STXBP5: variants seen among roughly 807,000 people sequenced by gnomAD.
STXBP5 encodes the protein syntaxin-binding protein 5.
Under a neutral mutation model 152.4 loss-of-function variants are expected in STXBP5, and 50 were observed. That is an observed-to-expected ratio of 0.33 (90% CI 0.26 to 0.42). The LOEUF (loss-of-function observed/expected upper bound fraction) is 0.42, where lower values mean the gene tolerates loss of function less well. Ranked by LOEUF, STXBP5 falls within the 10% of genes least tolerant of loss-of-function variation. The pLI is 1.00. For missense variants in STXBP5, 1,167 were observed against 1,388.6 expected, an observed-to-expected ratio of 0.84 and a Z score of 2.54; for synonymous variants, 492 against 494.7, an observed-to-expected ratio of 0.99 and a Z score of 0.07.
chr6:147,315,183 C>A (rs1323000020), intron 14 of STXBP5, among the ~76,000 whole-genome samples: 2 of 152,060 alleles, frequency 1.3e-5, no homozygotes, highest in Non-Finnish European at 2.9e-5. Context: ...CATAGAAAAT[C>A]ATTTTAGGAA....
intron 8 of STXBP5, among the ~76,000 whole-genome samples, chr6:147,289,917 CT>C (rs2128351024): frequency 6.6e-6 from 1 of 152,266 alleles, no homozygotes; most frequent in Admixed American, 6.5e-5. Context: ...GTTCGCTTTC[CT>C]GGCCGGGTGC....
intron 22 of STXBP5, among the ~76,000 whole-genome samples, chr6:147,357,032 A>G (rs539067153): frequency 1.2e-4 from 18 of 152,286 alleles, no homozygotes; most frequent in South Asian, 1.0e-3. Context: ...CAGTGTGCGA[A>G]ATTCCAAAGG....
At chr6:147,271,798 C>A (rs1780185224) in intron 7 of STXBP5, among the ~76,000 whole-genome samples, 1 of 151,776 alleles carries the variant, frequency 6.6e-6, no homozygotes, top group African/African-American at 2.4e-5. Flanking sequence ...AATGAAATAG[C>A]TAACAGAAAA....
chr6:147,215,750 GT>G (rs1013303113), intron 2 of STXBP5, among the ~76,000 whole-genome samples: 3 of 151,712 alleles, frequency 2.0e-5, no homozygotes, highest in South Asian at 2.1e-4. Context: ...ATTTTTATAG[GT>G]TTTTTTTAAA....
At chr6:147,277,964 C>A in intron 7 of STXBP5, 117 bp from the exon 8 acceptor site, 1 of 886,192 alleles carries the variant, frequency 1.1e-6, no homozygotes, top group Non-Finnish European at 1.6e-6. Context: ...GTTAAGTTCA[C>A]ATGTTAACCT....
intron 2 of STXBP5, among the ~76,000 whole-genome samples, chr6:147,224,235 G>A (rs1230806271): frequency 6.6e-6 from 1 of 152,198 alleles, no homozygotes; most frequent in East Asian, 1.9e-4. Flanking sequence ...AGACCAGCCT[G>A]GCCAATATGG....
chr6:147,315,617 A>G lies in STXBP5; in HGVS notation c.1505A>G (p.Tyr502Cys), dbSNP rs148830578. The G allele has an allele frequency of 4.6e-3, 7,397 of 1,613,960 alleles. 20 individuals are homozygous for G. Among genetic ancestry groups the G allele is most frequent in the Non-Finnish European group, 5.1e-3 (6,014 of 1,179,904 alleles). ...PNTDIVDEDP[Y>C]AIQIISWCPE... ...ACAGACATTGTAGATGAAGATCCAT[A>G]TGCCATTCAGATCATCTCCTGGTGT... Residue 502 changes from tyrosine to cysteine, a missense_variant, in exon 15 of 28, where the codon TAT becomes TGT. By Grantham distance (194) the Tyr-to-Cys change is radical. Around this residue, in one of 3 missense-constraint regions of STXBP5, gnomAD observed 833 missense variants for 986.3 expected, o/e 0.84. Coordinates refer to ENST00000321680, the MANE Select transcript of STXBP5 (RefSeq NM_001127715.4).
At chr6:147,307,854 A>T (rs549562805) in intron 9 of STXBP5, among the ~76,000 whole-genome samples, 3 of 152,330 alleles carry the variant, frequency 2.0e-5, no homozygotes, top group Non-Finnish European at 4.4e-5. Flanking sequence ...AGAAAAACTT[A>T]CTTGCCTTCC....
chr6:147,357,395 C>T (rs952027047), intron 22 of STXBP5, among the ~76,000 whole-genome samples: 6 of 151,914 alleles, frequency 3.9e-5, no homozygotes, highest in Non-Finnish European at 7.4e-5. Context: ...TCACAATGAA[C>T]TGAAATAGGG....
intron 4 of STXBP5, among the ~76,000 whole-genome samples, chr6:147,246,799 A>G (rs918274325): frequency 1.4e-4 from 21 of 152,186 alleles, no homozygotes; most frequent in Non-Finnish European, 2.8e-4. Context: ...ATTCATGTTC[A>G]CAGTCCTCTC....
At chr6:147,320,790 T>C (rs995111709) in intron 16 of STXBP5, among the ~76,000 whole-genome samples, 1 of 152,132 alleles carries the variant, frequency 6.6e-6, no homozygotes, top group African/African-American at 2.4e-5. Flanking sequence ...GTAAAAAATA[T>C]CATAAAGTAA....
chr6:147,285,359 G>C (rs1222575834), intron 8 of STXBP5, among the ~76,000 whole-genome samples: 2 of 152,046 alleles, frequency 1.3e-5, no homozygotes, highest in African/African-American at 2.4e-5. Context: ...TATTTGATTT[G>C]ATTTAGAAAA....
At chr6:147,264,967 A>G (rs979611270) in intron 6 of STXBP5, among the ~76,000 whole-genome samples, 2 of 152,062 alleles carry the variant, frequency 1.3e-5, no homozygotes, top group Non-Finnish European at 2.9e-5. Flanking sequence ...TTAAAGTTAT[A>G]TGGCTATTAA....
At chr6:147,364,676 C>CT (rs1215471954) in intron 25 of STXBP5, among the ~76,000 whole-genome samples, 2 of 151,966 alleles carry the variant, frequency 1.3e-5, no homozygotes, top group African/African-American at 4.8e-5. Context: ...GAAATGTGTC[C>CT]TTTTTTAAGT....
chr6:147,275,271 A>G (rs1359437304), intron 7 of STXBP5, among the ~76,000 whole-genome samples: 1 of 152,080 alleles, frequency 6.6e-6, no homozygotes, highest in Non-Finnish European at 1.5e-5. Flanking sequence ...ACCTTCTCAT[A>G]GTTACGATTT....
intron 2 of STXBP5, among the ~76,000 whole-genome samples, chr6:147,219,221 T>G (rs1359752068): frequency 6.6e-6 from 1 of 152,216 alleles, no homozygotes; most frequent in East Asian, 1.9e-4. Flanking sequence ...AAAAATGTTT[T>G]CTAAATGTTT....
At position 147,204,666 on chromosome 6, in the gene STXBP5, A is replaced by G. The variant is rs751314989; in HGVS notation, c.134A>G (p.His45Arg). ...PEIQETLQSE[H>R]FQLCKTVRHG... is the part of the protein sequence containing the mutation. Reference sequence around the variant, plus strand: ...ATCCAGGAAACGCTCCAGTCCGAGCACTTTCAGCTCTGCAAGGTGAACGGA... The same window carrying G: ...ATCCAGGAAACGCTCCAGTCCGAGCGCTTTCAGCTCTGCAAGGTGAACGGA... Residue 45 changes from histidine (H) to arginine (R), a missense_variant, in exon 1 of 28, where the codon CAC becomes CGC. Physicochemically the swap from His to Arg is conservative, Grantham distance 29. Transcript: ENST00000321680. The surrounding 1 kb of genome is among the most constrained non-coding windows in gnomAD (Gnocchi z 4.3). The G allele has an allele frequency of 4.4e-6, 7 of 1,604,218 alleles. No homozygotes were observed. Among genetic ancestry groups the G allele is most frequent in the Non-Finnish European group, 6.0e-6 (7 of 1,174,706 alleles).
chr6:147,356,039 A>G (rs1181798246), intron 22 of STXBP5, among the ~76,000 whole-genome samples: 1 of 152,134 alleles, frequency 6.6e-6, no homozygotes, highest in Non-Finnish European at 1.5e-5. Context: ...ACTGTTATTC[A>G]GGCAGTTCTT....
At chr6:147,271,652 C>G (rs1201137087) in intron 7 of STXBP5, among the ~76,000 whole-genome samples, 1 of 152,046 alleles carries the variant, frequency 6.6e-6, no homozygotes, top group Non-Finnish European at 1.5e-5. Context: ...TCCATTATAG[C>G]ATTAAATGCT....
Sources: allele counts gnomAD v4.1 joint callset (sites outside exome capture counted in the v4.1 genomes callset), GRCh38; gene constraint gnomAD v4.1.1; regional missense constraint gnomAD v4.1.1; non-coding constraint Gnocchi (gnomAD v3.1); transcripts MANE v1.5; gene names NCBI Gene and HGNC (gene_info 2026-07-23, HGNC 2026-07-21).